Variants in ZCCHC2 observed in about 807,000 individuals in gnomAD.
ZCCHC2 encodes the protein zinc finger CCHC-type containing 2.
Under a neutral mutation model 103.6 loss-of-function variants are expected in ZCCHC2, and 39 were observed. That is an observed-to-expected ratio of 0.38 (90% CI 0.29 to 0.49). The LOEUF (loss-of-function observed/expected upper bound fraction) is 0.49. Ranked by LOEUF, ZCCHC2 falls within the 20% of genes least tolerant of loss-of-function variation. The pLI is 0.96. For synonymous variants in ZCCHC2, 687 were observed against 608.9 expected, an observed-to-expected ratio of 1.13 and a Z score of -1.89; for missense variants, 1,483 against 1,491.0, an observed-to-expected ratio of 0.99 and a Z score of 0.09.
At chr18:62,561,257 A>T (rs550818156) in intron 8 of ZCCHC2, among the ~76,000 whole-genome samples, 168 of 152,288 alleles carry the variant, frequency 1.1e-3, no homozygotes, top group African/African-American at 3.7e-3. Context: ...TTTTTACAAG[A>T]TACTCTTGCC....
chr18:62,536,040 A>C (rs1914907848), intron 1 of ZCCHC2, among the ~76,000 whole-genome samples: 1 of 152,270 alleles, frequency 6.6e-6, no homozygotes, highest in Non-Finnish European at 1.5e-5. Context: ...CTAAAACTCC[A>C]TCTATGACCT....
At chr18:62,563,364 T>C (rs1018355647) in intron 9 of ZCCHC2, among the ~76,000 whole-genome samples, 4 of 152,182 alleles carry the variant, frequency 2.6e-5, no homozygotes, top group Admixed American at 2.6e-4. Flanking sequence ...TAGTACACTT[T>C]AATATGACAC....
At chr18:62,539,022 G>A (rs140160488) in intron 1 of ZCCHC2, among the ~76,000 whole-genome samples, 1,740 of 152,294 alleles carry the variant, frequency 0.011, 24 homozygotes, top group Non-Finnish European at 0.018. Context: ...GTAACAGTTT[G>A]TATGTGACAG....
At chr18:62,573,932 G>A in intron 12 of ZCCHC2, 125 bp from the exon 13 acceptor site, 2 of 982,420 alleles carry the variant, frequency 2.0e-6, no homozygotes, top group Non-Finnish European at 3.0e-6. Flanking sequence ...AGCTTGGACA[G>A]TCAGGAAACA....
chr18:62,564,050 G>T (rs536441893), intron 9 of ZCCHC2, among the ~76,000 whole-genome samples: 1 of 152,160 alleles, frequency 6.6e-6, no homozygotes, highest in Non-Finnish European at 1.5e-5. Flanking sequence ...CCTGGCCAAC[G>T]CTCAGATCCA....
intron 1 of ZCCHC2, among the ~76,000 whole-genome samples, chr18:62,532,303 C>T (rs1343951988): frequency 5.3e-5 from 8 of 152,194 alleles, no homozygotes; most frequent in South Asian, 2.1e-4. Context: ...TGACCTTGAT[C>T]GTCTTCTCCC....
intron 1 of ZCCHC2, among the ~76,000 whole-genome samples, chr18:62,529,293 G>T (rs986009228): frequency 6.6e-6 from 1 of 151,984 alleles, no homozygotes; most frequent in African/African-American, 2.4e-5. Flanking sequence ...GAATAGTGTT[G>T]TTGGGGCAGT....
At chr18:62,524,550 C>A in intron 1 of ZCCHC2, 187 bp downstream of exon 1, 3 of 858,036 alleles carry the variant, frequency 3.5e-6, no homozygotes, top group Non-Finnish European at 5.0e-6. Flanking sequence ...TCCACTCCCC[C>A]ACCCCACCCC....
At chr18:62,549,035 C>T (rs146431005) in intron 4 of ZCCHC2, among the ~76,000 whole-genome samples, 1 of 150,108 alleles carries the variant, frequency 6.7e-6, no homozygotes, top group Non-Finnish European at 1.5e-5. Flanking sequence ...CTGACTAACA[C>T]GGTGAAACCC....
chr18:62,539,833 A>G (rs771161582), intron 2 of ZCCHC2, 41 bp downstream of exon 2: 2 of 1,470,240 alleles, frequency 1.4e-6, no homozygotes, highest in Admixed American at 3.8e-5. Flanking sequence ...TTAATACATC[A>G]AAAGATTACA....
In ZCCHC2 at chr18:62,523,866, T is replaced by C. The variant is rs1195332549; in HGVS notation, c.442T>C (p.Ser148Pro). 4 of 1,544,116 alleles carry C rather than the reference T, an allele frequency of 2.6e-6. No individual in the cohort carries two copies. Among genetic ancestry groups the C allele is most frequent in the East Asian group, 2.5e-5 (1 of 40,658 alleles). Residue 148 changes from serine to proline, a missense_variant, in exon 1 of 14, where the codon TCG (serine) becomes CCG (proline). Coordinates refer to ENST00000269499, the MANE Select transcript of ZCCHC2 (RefSeq NM_017742.6). ...CAAGGACTACCACTACCTGCGCGAC[T>C]CGGAGGCCAAGGCCAACGGCCTCTC... Reference protein sequence around the residue: ...ARKDYHYLRDSEAKANGLSDP... With the variant: ...ARKDYHYLRDPEAKANGLSDP...
At chr18:62,534,154 A>T (rs1041410008) in intron 1 of ZCCHC2, among the ~76,000 whole-genome samples, 19 of 151,728 alleles carry the variant, frequency 1.3e-4, no homozygotes, top group Non-Finnish European at 2.5e-4. Context: ...CCCCATCTCT[A>T]AAAAAAATTA....
At chr18:62,583,461 A>G (rs1317557562), downstream of ZCCHC2, among the ~76,000 whole-genome samples, 1 of 152,206 alleles carries the variant, frequency 6.6e-6, no homozygotes, top group Non-Finnish European at 1.5e-5. Flanking sequence ...GAGATGAGAA[A>G]GCACGGTGTA....
In ZCCHC2 at chr18:62,523,376, G is replaced by GCGGGGC; in HGVS notation, c.-48_-47insGGGGCC. ...GCCTCGGCCCGTGCTCCACCTCGCG[G>GCGGGGC]CCCCTCCCGCCCGCCCCCGCTCGCA... On this transcript the variant is annotated 5_prime_UTR_variant, in exon 1 of 14. Transcript: ENST00000269499. 12 of 1,012,342 alleles carry GCGGGGC rather than the reference G, an allele frequency of 1.2e-5. No individual in the cohort carries two copies. Among genetic ancestry groups the GCGGGGC allele is most frequent in the Non-Finnish European group, 1.4e-5 (12 of 848,978 alleles). 62.7% of individuals were successfully genotyped at this position (1,012,342 alleles called of 1,614,324 possible).
chr18:62,569,978 G>A (rs1916527685), intron 11 of ZCCHC2, 125 bp from the exon 12 acceptor site: 1 of 886,080 alleles, frequency 1.1e-6, no homozygotes, highest in Admixed American at 3.1e-5. Flanking sequence ...TCAAGGACAA[G>A]CTTTTTTAGA....
chr18:62,545,102 G>A (rs1401745203), intron 4 of ZCCHC2, among the ~76,000 whole-genome samples: 1 of 152,144 alleles, frequency 6.6e-6, no homozygotes, highest in Non-Finnish European at 1.5e-5. Flanking sequence ...AAAAAAAATG[G>A]AGACCGGGTG....
At chr18:62,551,772 C>T (rs1188387013) in intron 5 of ZCCHC2, 1 of 152,934 alleles carries the variant, frequency 6.5e-6, no homozygotes, top group Non-Finnish European at 1.5e-5. Context: ...AGGAAACATG[C>T]TGTTTTACTG....
At chr18:62,540,629 C>T (rs916256568) in intron 2 of ZCCHC2, among the ~76,000 whole-genome samples, 5 of 152,066 alleles carry the variant, frequency 3.3e-5, no homozygotes, top group African/African-American at 1.2e-4. Flanking sequence ...ACTCATTGAA[C>T]ATACGAATAA....
chr18:62,524,132 A>G lies in ZCCHC2; in HGVS notation c.708A>G (p.Ser236=), dbSNP rs367671619. Residue 236 remains serine, a synonymous_variant, in exon 1 of 14, where the codon TCA becomes TCG. Transcript: ENST00000269499. ...AGCAGGACGCCGAGAAGGACGGCTCAGGCCCGGAAGGCGGCATTGTGGAGC... is the reference window on the plus strand; with the variant it reads ...AGCAGGACGCCGAGAAGGACGGCTCGGGCCCGGAAGGCGGCATTGTGGAGC... ...DGEQDAEKDG[S]GPEGGIVEPR... 59 of 1,540,336 alleles carry G rather than the reference A, an allele frequency of 3.8e-5. No individual in the cohort carries two copies. The South Asian group carries it at 4.5e-4, about 12-fold the overall frequency.
Sources: gnomAD v4.1 joint callset for allele counts (sites outside exome capture counted in the v4.1 genomes callset) on GRCh38, gnomAD v4.1.1 for gene constraint, MANE v1.5 for transcripts, NCBI Gene and HGNC (gene_info 2026-07-23, HGNC 2026-07-21) for gene names.